Variants in SLIT3 observed in about 807,000 individuals in gnomAD.
The protein encoded by SLIT3 is slit guidance ligand 3.
In SLIT3, 68 loss-of-function variants were observed where a neutral mutation model predicts 184.0. That is an observed-to-expected ratio of 0.37 (90% CI 0.30 to 0.45). SLIT3 has a LOEUF of 0.45. Among genes scored for constraint, SLIT3 ranks in the 20% least tolerant of loss-of-function variants. SLIT3 has a pLI of 1.00. For missense variants in SLIT3, 1,707 were observed against 2,026.0 expected, an observed-to-expected ratio of 0.84 and a Z score of 3.02; for synonymous variants, 831 against 828.6, an observed-to-expected ratio of 1.00 and a Z score of -0.05.
chr5:169,232,478 G>GCCT (rs1765040174), intron 3 of SLIT3, among the ~76,000 whole-genome samples: 1 of 152,186 alleles, frequency 6.6e-6, no homozygotes, highest in South Asian at 2.1e-4. Flanking sequence ...ACTCACCTCA[G>GCCT]CCTCCCTAAG....
chr5:168,956,256 GC>G (rs1195196993), intron 4 of SLIT3, among the ~76,000 whole-genome samples: 1 of 152,036 alleles, frequency 6.6e-6, no homozygotes, highest in Non-Finnish European at 1.5e-5. Context: ...TTCAAAACCA[GC>G]CCGTTATTCT....
intron 1 of SLIT3, among the ~76,000 whole-genome samples, chr5:169,278,560 T>C (rs761793309): frequency 6.6e-6 from 1 of 152,178 alleles, no homozygotes; most frequent in African/African-American, 2.4e-5. Flanking sequence ...AGTTAGCTCT[T>C]ATTGTTACTG....
At chr5:169,270,615 A>G (rs1766569782) in intron 1 of SLIT3, among the ~76,000 whole-genome samples, 1 of 152,146 alleles carries the variant, frequency 6.6e-6, no homozygotes, top group African/African-American at 2.4e-5. Context: ...GCCTAAATAT[A>G]CATGTATGAC....
In SLIT3 at chr5:169,203,351, G is replaced by GCACACACACA. The variant is rs36206656; in HGVS notation, c.342-9811_342-9802dup. 8.5e-3 allele frequency among the ~76,000 whole-genome samples: 1,256 copies of GCACACACACA among 147,494 alleles called. 17 individuals are homozygous for GCACACACACA. The highest frequency in any genetic ancestry group is 0.028 in the African/African-American group (1,101 of 39,794). On this transcript the variant is annotated intron_variant, in intron 3 of 35. Coordinates refer to ENST00000519560, the MANE Select transcript of SLIT3 (RefSeq NM_003062.4). ...CATATTTATGCGTGCATGTGAATGT[G>GCACACACACA]CACACACACACACACACACACACAC...
At chr5:169,160,398 T>C (rs949685651) in intron 4 of SLIT3, among the ~76,000 whole-genome samples, 2 of 152,222 alleles carry the variant, frequency 1.3e-5, no homozygotes, top group Non-Finnish European at 2.9e-5. Flanking sequence ...GTAAATGAAA[T>C]CCAGTGAAAT....
At chr5:169,196,765 C>A (rs960176491) in intron 3 of SLIT3, among the ~76,000 whole-genome samples, 1 of 152,160 alleles carries the variant, frequency 6.6e-6, no homozygotes, top group Non-Finnish European at 1.5e-5. Context: ...CTTTCCCTTT[C>A]TTAATTTTTC....
intron 1 of SLIT3, chr5:169,263,488 C>A: frequency 2.5e-6 from 1 of 394,314 alleles, no homozygotes; most frequent in South Asian, 1.9e-5. Context: ...GAAGGGCCCT[C>A]CCCTGCAGAT....
intron 4 of SLIT3, among the ~76,000 whole-genome samples, chr5:169,191,400 C>T (rs956646365): frequency 1.6e-4 from 25 of 152,254 alleles, no homozygotes; most frequent in Non-Finnish European, 3.2e-4. Context: ...GGGTAATTTA[C>T]CTCAGTGCTT....
intron 4 of SLIT3, among the ~76,000 whole-genome samples, chr5:169,065,946 A>G (rs1758336984): frequency 6.6e-6 from 1 of 152,202 alleles, no homozygotes; most frequent in South Asian, 2.1e-4. Context: ...ACTATGTTTC[A>G]TGAACTTCAT....
At chr5:169,149,173 C>A (rs944625819) in intron 4 of SLIT3, among the ~76,000 whole-genome samples, 1 of 152,160 alleles carries the variant, frequency 6.6e-6, no homozygotes, top group Non-Finnish European at 1.5e-5. Context: ...ATTCTAATCA[C>A]ACACTAATTG....
At chr5:168,734,030 AC>A (rs968679790) in intron 20 of SLIT3, among the ~76,000 whole-genome samples, 1 of 152,138 alleles carries the variant, frequency 6.6e-6, no homozygotes, top group Admixed American at 6.5e-5. Context: ...ACTGGAGACT[AC>A]AAAAGGTAGG....
chr5:169,100,241 A>C (rs907667314), intron 4 of SLIT3, among the ~76,000 whole-genome samples: 2 of 152,190 alleles, frequency 1.3e-5, no homozygotes, highest in Non-Finnish European at 2.9e-5. Flanking sequence ...TGGGCCCAAG[A>C]AAACAGTGGT....
chr5:169,280,456 C>CTCAGGCT (rs1199802855), intron 1 of SLIT3, among the ~76,000 whole-genome samples: 2 of 152,180 alleles, frequency 1.3e-5, no homozygotes, highest in Non-Finnish European at 2.9e-5. Flanking sequence ...GCGGCCTCGT[C>CTCAGGCT]TCAGGCAGAA....
At chr5:169,122,985 T>C (rs552705488) in intron 4 of SLIT3, among the ~76,000 whole-genome samples, 47 of 152,186 alleles carry the variant, frequency 3.1e-4, no homozygotes, top group Non-Finnish European at 4.4e-4. Flanking sequence ...TTACTCTTTA[T>C]AATACAATAT....
At chr5:168,763,834 C>T (rs1755240704) in intron 14 of SLIT3, among the ~76,000 whole-genome samples, 1 of 152,184 alleles carries the variant, frequency 6.6e-6, no homozygotes, top group Non-Finnish European at 1.5e-5. Context: ...AGAGATGGGT[C>T]CACATTTGTC....
chr5:168,800,302 T>C (rs1229450527), intron 9 of SLIT3, among the ~76,000 whole-genome samples: 2 of 152,206 alleles, frequency 1.3e-5, no homozygotes, highest in Non-Finnish European at 2.9e-5. Context: ...AGGTAGACTG[T>C]TGGCTGGGCG....
At chr5:168,833,479 G>T (rs1279133899) in intron 6 of SLIT3, among the ~76,000 whole-genome samples, 1 of 152,162 alleles carries the variant, frequency 6.6e-6, no homozygotes, top group Non-Finnish European at 1.5e-5. Flanking sequence ...GTGGAATCTG[G>T]TCTCTTCCAG....
intron 2 of SLIT3, among the ~76,000 whole-genome samples, chr5:169,250,886 C>T (rs900252914): frequency 6.6e-6 from 1 of 152,192 alleles, no homozygotes; most frequent in Admixed American, 6.6e-5. Flanking sequence ...TTCCTTGCTC[C>T]TCTAGTCCAT....
chr5:169,058,871 G>T (rs1758091670), intron 4 of SLIT3, among the ~76,000 whole-genome samples: 1 of 152,180 alleles, frequency 6.6e-6, no homozygotes, highest in Admixed American at 6.5e-5. Context: ...TCAGGAGAAG[G>T]ACTTCCTGTT....
Sources: gnomAD v4.1 joint callset for allele counts (sites outside exome capture counted in the v4.1 genomes callset) on GRCh38, gnomAD v4.1.1 for gene constraint, MANE v1.5 for transcripts, NCBI Gene and HGNC (gene_info 2026-07-23, HGNC 2026-07-21) for gene names.